The following AGPS variants were observed in gnomAD, a reference collection of about 807,000 sequenced individuals.
AGPS encodes alkyldihydroxyacetonephosphate synthase, peroxisomal.
A neutral mutation model predicts 90.7 loss-of-function variants in AGPS; 26 were observed. The ratio of observed to expected loss-of-function variants is 0.29; its 90% CI spans 0.21 to 0.40. The LOEUF (loss-of-function observed/expected upper bound fraction) is 0.40. AGPS is among the 10% of genes least tolerant of loss of function. The pLI is 1.00. For synonymous variants in AGPS, 294 were observed against 285.3 expected (o/e 1.03, Z -0.31); for missense variants, 540 against 816.1 (o/e 0.66, Z 4.12).
At chr2:177,481,943 A>G (rs2105693323) in intron 10 of AGPS, 116 bp from the exon 11 acceptor site, 3 of 984,174 alleles carry the variant, frequency 3.0e-6, no homozygotes, top group African/African-American at 1.7e-5. Context: ...TTCCCCAGGT[A>G]GACTTGATAA....
intron 13 of AGPS, 88 bp downstream of exon 13, chr2:177,497,853 T>A: frequency 1.7e-6 from 1 of 579,460 alleles, no homozygotes; most frequent in Non-Finnish European, 3.0e-6. Flanking sequence ...TGTAAGGGTG[T>A]TTTTCCATGT....
chr2:177,406,543 G>T (rs983436758), intron 1 of AGPS, among the ~76,000 whole-genome samples: 2 of 152,160 alleles, frequency 1.3e-5, no homozygotes, highest in African/African-American at 4.8e-5. Flanking sequence ...TGTGTATAAG[G>T]AATTGTCATA....
chr2:177,435,224 A>T (rs925085019), intron 3 of AGPS, among the ~76,000 whole-genome samples: 1 of 152,014 alleles, frequency 6.6e-6, no homozygotes, highest in East Asian at 1.9e-4. Flanking sequence ...ACTGTATCCA[A>T]CTTGTTGTTA....
chr2:177,490,971 T>C (rs924321561), intron 11 of AGPS, among the ~76,000 whole-genome samples: 19 of 148,226 alleles, frequency 1.3e-4, no homozygotes, highest in African/African-American at 4.7e-4. Flanking sequence ...TTCTCCTGCC[T>C]CAGCCTCCCA....
intron 17 of AGPS, among the ~76,000 whole-genome samples, chr2:177,519,552 A>G (rs1268888042): frequency 1.3e-5 from 2 of 152,198 alleles, no homozygotes; most frequent in Non-Finnish European, 2.9e-5. Context: ...ATCTGTGTAG[A>G]AAAAAATATT....
In AGPS at chr2:177,468,448, T is replaced by C. The variant is rs368667324; in HGVS notation, c.1029T>C (p.Gly343=). Residue 343 remains glycine, a synonymous_variant, in exon 10 of 20, where the codon GGT becomes GGC. Coordinates refer to ENST00000264167, the MANE Select transcript of AGPS (RefSeq NM_003659.4). ...VVHIKMVTPR[G]IIEKSCQGPR... is the part of the protein sequence containing the mutation. ...ATATAAAAATGGTAACACCTAGAGG[T>C]ATAATAGAAAAAAGCTGTCAAGGAC... is the stretch of plus-strand genomic sequence containing the variant. The C allele has an allele frequency of 9.1e-5, 146 of 1,611,866 alleles. No homozygotes were observed. Among genetic ancestry groups the C allele is most frequent in the Middle Eastern group, 3.6e-4 (2 of 5,574 alleles).
At chr2:177,424,597 A>AT (rs1419186499) in intron 2 of AGPS, among the ~76,000 whole-genome samples, 1 of 152,180 alleles carries the variant, frequency 6.6e-6, no homozygotes, top group African/African-American at 2.4e-5. Context: ...TCCTTTGTGT[A>AT]TTTACCCAGT....
intron 2 of AGPS, among the ~76,000 whole-genome samples, chr2:177,422,621 G>C (rs1408099747): frequency 6.6e-6 from 1 of 152,178 alleles, no homozygotes; most frequent in Non-Finnish European, 1.5e-5. Flanking sequence ...TTACAAAAAG[G>C]ATAATTCCCC....
chr2:177,443,385 A>C (rs1223850995), intron 7 of AGPS, among the ~76,000 whole-genome samples: 1 of 152,184 alleles, frequency 6.6e-6, no homozygotes, highest in Non-Finnish European at 1.5e-5. Flanking sequence ...TGAATGTTAT[A>C]GACTTTTGAA....
At chr2:177,399,576 A>T (rs1165981114) in intron 1 of AGPS, among the ~76,000 whole-genome samples, 1 of 152,192 alleles carries the variant, frequency 6.6e-6, no homozygotes, top group African/African-American at 2.4e-5. Flanking sequence ...ATTACACTCC[A>T]TCACAGGCAG....
chr2:177,467,019 C>T (rs1363166074), intron 9 of AGPS, among the ~76,000 whole-genome samples: 1 of 151,804 alleles, frequency 6.6e-6, no homozygotes. Flanking sequence ...GGGGGTGGGG[C>T]TTCCACCTGT....
At chr2:177,466,058 G>T (rs567994591) in intron 9 of AGPS, among the ~76,000 whole-genome samples, 12 of 152,286 alleles carry the variant, frequency 7.9e-5, no homozygotes, top group African/African-American at 2.4e-4. Context: ...GCTCCTTTCC[G>T]CAGGTAGGCC....
intron 12 of AGPS, among the ~76,000 whole-genome samples, chr2:177,494,558 T>A (rs988792928): frequency 6.6e-6 from 1 of 152,198 alleles, no homozygotes; most frequent in Non-Finnish European, 1.5e-5. Context: ...GTAAAATTAG[T>A]TATGATTTGG....
chr2:177,428,304 G>A (rs192365568), intron 2 of AGPS, among the ~76,000 whole-genome samples: 3 of 152,176 alleles, frequency 2.0e-5, no homozygotes, highest in East Asian at 1.9e-4. Flanking sequence ...CTTTTAATTC[G>A]GGCATTTAGC....
chr2:177,536,716 A>AC (rs1265628792), intron 19 of AGPS, among the ~76,000 whole-genome samples: 2 of 152,012 alleles, frequency 1.3e-5, no homozygotes, highest in Non-Finnish European at 2.9e-5. Context: ...TTTCTGCTGA[A>AC]CTTCATTTCC....
chr2:177,442,990 A>T (rs1686653562), intron 7 of AGPS, among the ~76,000 whole-genome samples: 1 of 152,074 alleles, frequency 6.6e-6, no homozygotes, highest in Admixed American at 6.6e-5. Flanking sequence ...TTTTTTTCAA[A>T]TACCTAAGTA....
At chr2:177,480,849 A>G (rs1687923652) in intron 10 of AGPS, among the ~76,000 whole-genome samples, 1 of 152,086 alleles carries the variant, frequency 6.6e-6, no homozygotes, top group Non-Finnish European at 1.5e-5. Flanking sequence ...AAAACAAAAG[A>G]GAACGTTTAG....
rs757924179 is a variant in AGPS, at chr2:177,392,935, C to T, written c.146C>T (p.Pro49Leu). 34 of 1,550,000 alleles carry T rather than the reference C, an allele frequency of 2.2e-5. No homozygotes were observed. Among genetic ancestry groups the T allele is most frequent in the South Asian group, 4.8e-5 (4 of 84,068 alleles). ...RVLSGHLLGRPREALSTNECK... is the reference protein window; with the variant it reads ...RVLSGHLLGRLREALSTNECK... ...CTCTCTGGCCATCTGCTGGGCCGGCCCCGGGAGGCTCTGAGTACCAATGAG... is the reference window on the plus strand; with the variant it reads ...CTCTCTGGCCATCTGCTGGGCCGGCTCCGGGAGGCTCTGAGTACCAATGAG... Residue 49 changes from proline (P) to leucine (L), a missense_variant, in exon 1 of 20, where the codon CCC (proline) becomes CTC (leucine). Pro to Leu is a moderately conservative substitution (Grantham distance 98, BLOSUM62 -3). This residue lies in a region of AGPS where 135 missense variants were observed against 124.0 expected (regional missense o/e 1.09). Coordinates refer to ENST00000264167, the MANE Select transcript of AGPS (RefSeq NM_003659.4).
At chr2:177,422,947 G>A (rs527389273) in intron 2 of AGPS, among the ~76,000 whole-genome samples, 1 of 16,136 alleles carries the variant, frequency 6.2e-5, no homozygotes, top group African/African-American at 1.2e-4. Flanking sequence ...CAGATGGATA[G>A]AGTTACCTTC....
Sources: gnomAD v4.1 joint callset for allele counts (sites outside exome capture counted in the v4.1 genomes callset) on GRCh38, gnomAD v4.1.1 for gene constraint, gnomAD v4.1.1 regional missense constraint, MANE v1.5 for transcripts, NCBI Gene and HGNC (gene_info 2026-07-23, HGNC 2026-07-21) for gene names.